TAF4: variants seen among roughly 807,000 people sequenced by gnomAD.
TAF4 encodes the protein transcription initiation factor TFIID subunit 4.
A neutral mutation model predicts 90.3 loss-of-function variants in TAF4; 9 were observed. The observed-to-expected ratio is 0.10, with a 90% CI of 0.06 to 0.17. The LOEUF (loss-of-function observed/expected upper bound fraction) is 0.17, where lower values mean the gene tolerates loss of function less well. Ranked by LOEUF, TAF4 falls within the 10% of genes least tolerant of loss-of-function variation. The pLI is 1.00. For synonymous variants in TAF4, 818 were observed against 638.9 expected, an observed-to-expected ratio of 1.28 and a Z score of -4.23; for missense variants, 1,351 against 1,370.7, an observed-to-expected ratio of 0.99 and a Z score of 0.23.
At chr20:62,029,068 C>T (rs1432338753) in intron 1 of TAF4, among the ~76,000 whole-genome samples, 2 of 151,956 alleles carry the variant, frequency 1.3e-5, no homozygotes, top group East Asian at 1.9e-4. Context: ...CGGTGGTGGG[C>T]GCCTGTAGTC....
In TAF4 at chr20:62,064,580, T is replaced by A; in HGVS notation, c.1231A>T (p.Ser411Cys). 1 of 1,501,752 alleles carries A rather than the reference T, an allele frequency of 6.7e-7. No homozygotes were observed. The highest frequency in any genetic ancestry group is 8.8e-7 in the Non-Finnish European group (1 of 1,130,794). 93.0% of individuals were successfully genotyped at this position (1,501,752 alleles called of 1,614,324 possible). Residue 411 changes from serine to cysteine, a missense_variant, in exon 1 of 15, where the codon AGC becomes TGC. By Grantham distance (112) the Ser-to-Cys change is moderately radical. Around this residue, in one of 9 missense-constraint regions of TAF4, gnomAD observed 782 missense variants for 536.6 expected, o/e 1.46. Coordinates refer to ENST00000252996, the MANE Select transcript of TAF4 (RefSeq NM_003185.4). The stretch of plus-strand genomic sequence containing the variant: ...GTGGCCGTGGGCGTCCGGGACAGGC[T>A]CTGGGTCACTGCGCCGGCCGCGCCT... ...PKGAAGAVTQ[S>C]LSRTPTATTS...
Position 62,014,629 on chromosome 20 carries a change from G to A in TAF4, c.1439C>T (p.Ala480Val), listed in dbSNP as rs983777106. The A allele has an allele frequency of 1.9e-6, 3 of 1,613,942 alleles. No individual in the cohort carries two copies. Among genetic ancestry groups the A allele is most frequent in the Admixed American group, 1.7e-5 (1 of 59,970 alleles). The stretch of plus-strand genomic sequence containing the variant: ...CATGGTGGTCTGAGGCTGGGCATGG[G>A]CCTGCGCCTGCATCTGGGCCAAGGC... ...QQALAQMQAQ[A>V]HAQPQTTMAP... The change falls in exon 2 of 15, where the codon GCC becomes GTC. Residue 480 changes from alanine to valine, a missense_variant. By Grantham distance (64) the Ala-to-Val change is moderately conservative (BLOSUM62 0). This residue lies in a region of TAF4 where 143 missense variants were observed against 176.3 expected (regional missense o/e 0.81). Coordinates refer to ENST00000252996, the MANE Select transcript of TAF4 (RefSeq NM_003185.4).
At chr20:61,982,184 CCA>C (rs2055549369) in intron 14 of TAF4, among the ~76,000 whole-genome samples, 1 of 114,018 alleles carries the variant, frequency 8.8e-6, no homozygotes, top group African/African-American at 3.3e-5. Context: ...AGAGGAGACA[CCA>C]AACCCACACC....
At position 62,022,975 on chromosome 20, in the gene TAF4, C is replaced by T. The variant is rs113071739; in HGVS notation, c.1361-8268G>A. ...AAATGCGAGCAAGTGAAGGGACGTG[C>T]ACTGTGTTCATGGGTCAGGAGACTC... is the stretch of plus-strand genomic sequence containing the variant. On this transcript the variant is annotated intron_variant, in intron 1 of 14. Transcript: ENST00000252996. Among the ~76,000 whole-genome samples the T allele has an allele frequency of 7.2e-3, 1,093 of 152,132 alleles. 15 individuals are homozygous for T. Among genetic ancestry groups the T allele is most frequent in the African/African-American group, 0.025 (1,042 of 41,502 alleles).
At position 62,009,043 on chromosome 20, in the gene TAF4, G is replaced by A. The variant is rs773452250; in HGVS notation, c.1884+9C>T. On this transcript the variant is annotated intron_variant, in intron 5 of 14. Transcript: ENST00000252996. ...AGGGGAAAGGGAATGTAAAGTCAAG[G>A]TTTCTCACCAGTAAATTCTGCACGA... 3.8e-5 allele frequency: 61 copies of A among 1,610,162 alleles called. No individual in the cohort carries two copies. Among genetic ancestry groups the A allele is most frequent in the Non-Finnish European group, 5.2e-5 (61 of 1,178,848 alleles).
At chr20:61,991,705 C>G (rs929512197) in intron 14 of TAF4, among the ~76,000 whole-genome samples, 4 of 152,106 alleles carry the variant, frequency 2.6e-5, no homozygotes, top group African/African-American at 9.7e-5. Flanking sequence ...ATGGGACTCT[C>G]TGAAGAAAGA....
chr20:62,019,525 C>A (rs554527529), intron 1 of TAF4, among the ~76,000 whole-genome samples: 1 of 152,362 alleles, frequency 6.6e-6, no homozygotes, highest in African/African-American at 2.4e-5. Flanking sequence ...ACTCTCCCAG[C>A]GGTTCAAGGC....
In TAF4 at chr20:62,006,982, AAAC is replaced by A; in HGVS notation, c.1975-227_1975-225del. The A allele has an allele frequency of 2.1e-6, 1 of 475,558 alleles. No homozygotes were observed. The highest frequency in any genetic ancestry group is 3.4e-6 in the Non-Finnish European group (1 of 295,776). 29.5% of individuals were successfully genotyped at this position (475,558 alleles called of 1,614,324 possible). ...GCAAATGTCCAAAATGTGTTCAAGA[AAAC>A]AAACAAAAAGAGACATATTTTTAAA... On this transcript the variant is annotated intron_variant, in intron 6 of 14. Coordinates refer to ENST00000252996, the MANE Select transcript of TAF4 (RefSeq NM_003185.4). The surrounding 1 kb of genome is among the most constrained non-coding windows in gnomAD (Gnocchi z 7.0).
Position 62,064,617 on chromosome 20 carries a change from G to C in TAF4, c.1194C>G (p.Thr398=). 1 of 1,389,810 alleles carries C rather than the reference G, an allele frequency of 7.2e-7. No individual in the cohort carries two copies. The highest frequency in any genetic ancestry group is 1.6e-5 in the South Asian group (1 of 62,894). 86.1% of individuals were successfully genotyped at this position (1,389,810 alleles called of 1,614,324 possible). A position where few individuals can be genotyped will look rare whatever the true frequency, so the allele number is the denominator to read the frequency against. ...AVPPPAPGTP[T]GLPKGAAGAV... ...CGCCGGCCGCGCCTTTGGGCAGCCC[G>C]GTGGGGGTCCCGGGGGCGGGCGGCG... is the stretch of plus-strand genomic sequence containing the variant. The change falls in exon 1 of 15, where the codon ACC becomes ACG. Residue 398 remains threonine, a synonymous_variant. Coordinates refer to ENST00000252996, the MANE Select transcript of TAF4 (RefSeq NM_003185.4).
chr20:62,000,409 C>T (rs2055692217), intron 10 of TAF4, 143 bp downstream of exon 10: 2 of 1,388,660 alleles, frequency 1.4e-6, no homozygotes, highest in South Asian at 1.4e-5. Context: ...CATATTTTAC[C>T]CAAGAACCAC....
intron 14 of TAF4, among the ~76,000 whole-genome samples, chr20:61,995,012 G>A (rs960074828): frequency 6.6e-6 from 1 of 152,190 alleles, no homozygotes; most frequent in African/African-American, 2.4e-5. Context: ...AGTTAAAGGG[G>A]CTTGAGAAAC....
rs2055522145 is a variant in TAF4, at chr20:61,979,523, CTGCGGCCCG to C, written c.3091-3197_3091-3189del. 3.5e-5 allele frequency among the ~76,000 whole-genome samples: 5 copies of C among 144,198 alleles called. No individual in the cohort carries two copies. The South Asian group carries it at 1.1e-3, about 32-fold the overall frequency. The allele number at this position is 144,198 out of a possible 152,430, so 94.6% of individuals were successfully genotyped here. ...AGGCGCCATGGCCACTCCAGAGGGA[CTGCGGCCCG>C]TGCAGGCGCCATGGCCACTCCAGAG... On this transcript the variant is annotated intron_variant, in intron 14 of 14. Coordinates refer to ENST00000252996, the MANE Select transcript of TAF4 (RefSeq NM_003185.4).
intron 1 of TAF4, among the ~76,000 whole-genome samples, chr20:62,016,074 T>C (rs536172391): frequency 1.3e-5 from 2 of 152,284 alleles, no homozygotes; most frequent in South Asian, 4.1e-4. Context: ...AGGCTCCGTC[T>C]CCGAGTCTGT....
At position 62,036,837 on chromosome 20, in the gene TAF4, G is replaced by T. The variant is rs372883925; in HGVS notation, c.1361-22130C>A. Among the ~76,000 whole-genome samples, 22 of 152,300 alleles carry T rather than the reference G, an allele frequency of 1.4e-4. No individual in the cohort carries two copies. The East Asian group carries it at 4.1e-3, about 28-fold the overall frequency. Reference sequence around the variant, plus strand: ...CATATGCTGAAACCCAATCCCCAAGGTGATGGTAGCAGAAGCGGGGGGACT... The same window carrying T: ...CATATGCTGAAACCCAATCCCCAAGTTGATGGTAGCAGAAGCGGGGGGACT... On this transcript the variant is annotated intron_variant, in intron 1 of 14. Coordinates refer to ENST00000252996, the MANE Select transcript of TAF4 (RefSeq NM_003185.4).
At chr20:62,027,320 G>A (rs1462163880) in intron 1 of TAF4, among the ~76,000 whole-genome samples, 2 of 152,168 alleles carry the variant, frequency 1.3e-5, no homozygotes, top group African/African-American at 4.8e-5. Context: ...ACTTGCCCCT[G>A]GAAAACCTTC....
intron 14 of TAF4, among the ~76,000 whole-genome samples, chr20:61,982,063 C>CCACACCCACCCCAGAGGAGACACCAAACT (rs2055546567): frequency 9.0e-6 from 1 of 111,522 alleles, no homozygotes; most frequent in African/African-American, 3.2e-5. Context: ...GACACCAAAC[C>CCACACCCACCCCAGAGGAGACACCAAACT]CACACCCCAC....
chr20:61,976,319 G>A lies in TAF4; in HGVS notation c.3107C>T (p.Ser1036Leu), dbSNP rs941802918. The change falls in exon 15 of 15, where the codon TCA becomes TTA. Residue 1036 changes from serine (S) to leucine (L), a missense_variant. Around this residue, in one of 9 missense-constraint regions of TAF4, gnomAD observed 48 missense variants for 50.6 expected, o/e 0.95. Coordinates refer to ENST00000252996, the MANE Select transcript of TAF4 (RefSeq NM_003185.4). ...GACACCCGAGCTGCCTGGGACCACT[G>A]AGCCGGGGCCCGACCCCTGGTGATG... ...GSGAEGSGPGSVVPGSSGVGT... is the reference protein window; with the variant it reads ...GSGAEGSGPGLVVPGSSGVGT... The A allele has an allele frequency of 1.9e-6, 3 of 1,613,462 alleles. No homozygotes were observed. The highest frequency in any genetic ancestry group is 2.7e-5 in the African/African-American group (2 of 74,922).
At chr20:62,000,892 C>T (rs1229466393) in intron 9 of TAF4, among the ~76,000 whole-genome samples, 171 bp from the exon 10 acceptor site, 8 of 152,292 alleles carry the variant, frequency 5.3e-5, no homozygotes, top group Admixed American at 1.3e-4. Flanking sequence ...GAGGGTGCCT[C>T]GCTGCTTTCC....
In TAF4 at chr20:62,065,107, C is replaced by T; in HGVS notation, c.704G>A (p.Gly235Asp). 1.8e-6 allele frequency: 2 copies of T among 1,104,340 alleles called. No individual in the cohort carries two copies. Among genetic ancestry groups the T allele is most frequent in the South Asian group, 1.9e-5 (1 of 54,048 alleles). 68.4% of individuals were successfully genotyped at this position (1,104,340 alleles called of 1,614,324 possible). A position where few individuals can be genotyped will look rare whatever the true frequency, so the allele number is the denominator to read the frequency against. The change falls in exon 1 of 15, where the codon GGC becomes GAC. Residue 235 changes from glycine (G) to aspartate (D), a missense_variant. Physicochemically the swap from Gly to Asp is moderately conservative, Grantham distance 94 (BLOSUM62 -1). This residue lies in a region of TAF4 where 782 missense variants were observed against 536.6 expected (regional missense o/e 1.46). Coordinates refer to ENST00000252996, the MANE Select transcript of TAF4 (RefSeq NM_003185.4). ...GAAGGGGGGCGTCTGGATGACAGTG[C>T]CGGGGGCGGCGGGCTTGGGCAGCGG... The part of the protein sequence containing the change: ...LLPLPKPAAP[G>D]TVIQTPPFVG...
Sources: gnomAD v4.1 joint callset for allele counts (sites outside exome capture counted in the v4.1 genomes callset) on GRCh38, gnomAD v4.1.1 for gene constraint, gnomAD v4.1.1 regional missense constraint, Gnocchi (gnomAD v3.1) non-coding constraint, MANE v1.5 for transcripts, NCBI Gene and HGNC (gene_info 2026-07-23, HGNC 2026-07-21) for gene names.